DPYD: variants seen among roughly 807,000 people sequenced by gnomAD.
The protein encoded by DPYD is dihydropyrimidine dehydrogenase, also known as dihydropyrimidine dehydrogenase [NADP(+)].
DPYD carries 109 observed loss-of-function variants against 116.2 expected under a neutral mutation model. That is an observed-to-expected ratio of 0.94 (90% CI 0.80 to 1.10). The LOEUF is 1.10. DPYD is among the 50% of genes least tolerant of loss of function. DPYD has a pLI of 0.00. For missense variants in DPYD, 1,302 were observed against 1,254.5 expected (o/e 1.04, Z -0.57); for synonymous variants, 440 against 432.0 (o/e 1.02, Z -0.23).
At position 97,489,219 on chromosome 1, in the gene DPYD, A is replaced by G. The variant is rs1325095439; in HGVS notation, c.1740+26507T>C. On this transcript the variant is annotated intron_variant, in intron 13 of 22. Transcript: ENST00000370192. ...AGGAAAAATATATTTTCACGGAACC[A>G]CAGAATTTTTGGTATGTGCTACATT... Among the ~76,000 whole-genome samples the G allele has an allele frequency of 2.0e-5, 3 of 152,292 alleles. No homozygotes were observed. The East Asian group carries it at 5.8e-4, about 29-fold the overall frequency.
intron 19 of DPYD, among the ~76,000 whole-genome samples, chr1:97,200,163 G>A (rs1659104246): frequency 6.6e-6 from 1 of 152,094 alleles, no homozygotes; most frequent in East Asian, 1.9e-4. Context: ...TAAAAATAGA[G>A]ATCTTGATCT....
rs375490078 is a variant in DPYD at position 97,257,452 on chromosome 1, T to TATAGAG, written c.2300-22459_2300-22458insCTCTAT. On this transcript the variant is annotated intron_variant, in intron 18 of 22. Coordinates refer to ENST00000370192, the MANE Select transcript of DPYD (RefSeq NM_000110.4). ...ATACATACGTATATATATATATATA[T>TATAGAG]AGAGAGAGAGAAAGAGAGAGAGAGC... Among the ~76,000 whole-genome samples the TATAGAG allele has an allele frequency of 1.3e-3, 170 of 126,468 alleles. 4 individuals carry two copies. The highest frequency in any genetic ancestry group is 6.5e-3 in the South Asian group (24 of 3,682). The allele number at this position is 126,468 out of a possible 152,430, so 83.0% of individuals were successfully genotyped here. A position where few individuals can be genotyped will look rare whatever the true frequency, so the allele number is the denominator to read the frequency against.
chr1:97,815,421 AG>A (rs1668552422), intron 3 of DPYD, among the ~76,000 whole-genome samples: 1 of 152,224 alleles, frequency 6.6e-6, no homozygotes, highest in Non-Finnish European at 1.5e-5. Flanking sequence ...ATAGCTGCCA[AG>A]GAGAGTTAAA....
chr1:97,101,377 AC>A (rs1208489453), intron 20 of DPYD, among the ~76,000 whole-genome samples: 1 of 151,782 alleles, frequency 6.6e-6, no homozygotes, highest in Non-Finnish European at 1.5e-5. Context: ...TTTTCCGAAA[AC>A]AAAAAAACAT....
intron 4 of DPYD, among the ~76,000 whole-genome samples, chr1:97,724,387 T>C (rs1014897423): frequency 2.0e-5 from 3 of 148,708 alleles, no homozygotes; most frequent in African/African-American, 7.5e-5. Flanking sequence ...TATAGGAAAC[T>C]GGTACACAAT....
At chr1:97,524,724 A>G (rs1223570668) in intron 12 of DPYD, among the ~76,000 whole-genome samples, 2 of 152,138 alleles carry the variant, frequency 1.3e-5, no homozygotes, top group Non-Finnish European at 2.9e-5. Context: ...AAACACCCCT[A>G]GGATGTTATC....
At chr1:97,303,766 T>G (rs1666996554) in intron 18 of DPYD, among the ~76,000 whole-genome samples, 1 of 152,002 alleles carries the variant, frequency 6.6e-6, no homozygotes, top group African/African-American at 2.4e-5. Context: ...TAGGGATTTT[T>G]TGTTGTTTAA....
chr1:97,370,904 G>A (rs181042556), intron 16 of DPYD, among the ~76,000 whole-genome samples: 1 of 152,150 alleles, frequency 6.6e-6, no homozygotes, highest in East Asian at 1.9e-4. Flanking sequence ...TTGTTTTGCA[G>A]GAATACACAA....
At chr1:97,324,160 C>T (rs977663431) in intron 16 of DPYD, among the ~76,000 whole-genome samples, 4 of 151,842 alleles carry the variant, frequency 2.6e-5, no homozygotes, top group East Asian at 3.9e-4. Flanking sequence ...TCGTTTTTTG[C>T]CCATTTTCTA....
chr1:97,341,526 A>T (rs1669587834), intron 16 of DPYD, among the ~76,000 whole-genome samples: 1 of 152,162 alleles, frequency 6.6e-6, no homozygotes, highest in South Asian at 2.1e-4. Context: ...CTGAACAGAG[A>T]CCACACCATT....
chr1:97,412,682 C>T (rs773127968), intron 14 of DPYD, among the ~76,000 whole-genome samples: 2 of 152,156 alleles, frequency 1.3e-5, no homozygotes, highest in South Asian at 2.1e-4. Flanking sequence ...TCATTAAATG[C>T]ATCCTGTTTT....
chr1:97,636,488 A>G (rs1331283861), intron 8 of DPYD, among the ~76,000 whole-genome samples: 1 of 152,166 alleles, frequency 6.6e-6, no homozygotes, highest in Non-Finnish European at 1.5e-5. Flanking sequence ...TCCACCAAAT[A>G]GAATTGTGCA....
Position 97,515,630 on chromosome 1 carries a change from T to A in DPYD, c.1740+96A>T, listed in dbSNP as rs1223595008. 3.9e-6 allele frequency: 4 copies of A among 1,031,734 alleles called. No homozygotes were observed. The East Asian group carries it at 7.8e-5, about 20-fold the overall frequency. The allele number at this position is 1,031,734 out of a possible 1,614,324, so 63.9% of individuals were successfully genotyped here. Reference sequence around the variant, plus strand: ...AGGTCTTGTCAAATAGTTTAATAAGTAGTATTTCTTAGTAAAAAAAATCCA... The same window carrying A: ...AGGTCTTGTCAAATAGTTTAATAAGAAGTATTTCTTAGTAAAAAAAATCCA... On this transcript the variant is annotated intron_variant, in intron 13 of 22. Transcript: ENST00000370192.
chr1:97,598,956 A>G (rs960769019), intron 8 of DPYD, among the ~76,000 whole-genome samples: 3 of 152,220 alleles, frequency 2.0e-5, no homozygotes, highest in African/African-American at 7.2e-5. Flanking sequence ...TTAAGGTTAT[A>G]ACTAGGCCAG....
At chr1:97,589,585 T>C (rs1184397175) in intron 10 of DPYD, among the ~76,000 whole-genome samples, 1 of 152,200 alleles carries the variant, frequency 6.6e-6, no homozygotes, top group Non-Finnish European at 1.5e-5. Context: ...TCTCGGGCAG[T>C]TCTTCACAGC....
At chr1:97,109,597 T>A (rs1244026109) in intron 20 of DPYD, among the ~76,000 whole-genome samples, 1 of 152,128 alleles carries the variant, frequency 6.6e-6, no homozygotes, top group East Asian at 1.9e-4. Context: ...GGAGCAAGAC[T>A]AGGTTAATCA....
At chr1:97,142,294 G>A (rs1377503763) in intron 20 of DPYD, among the ~76,000 whole-genome samples, 1 of 152,082 alleles carries the variant, frequency 6.6e-6, no homozygotes, top group African/African-American at 2.4e-5. Context: ...AAGCATTTCT[G>A]CTTTTAAATG....
chr1:97,144,855 T>C (rs1297406336), intron 20 of DPYD, among the ~76,000 whole-genome samples: 1 of 152,220 alleles, frequency 6.6e-6, no homozygotes, highest in Non-Finnish European at 1.5e-5. Flanking sequence ...ATCACTTTCT[T>C]ATGCACACAG....
At chr1:97,648,557 G>C (rs1347377066) in intron 8 of DPYD, among the ~76,000 whole-genome samples, 1 of 151,778 alleles carries the variant, frequency 6.6e-6, no homozygotes, top group Non-Finnish European at 1.5e-5. Context: ...AAAAAAAAGA[G>C]AAATCAAGTA....
Sources: gnomAD v4.1 joint callset for allele counts (sites outside exome capture counted in the v4.1 genomes callset) on GRCh38, gnomAD v4.1.1 for gene constraint, MANE v1.5 for transcripts, NCBI Gene and HGNC (gene_info 2026-07-23, HGNC 2026-07-21) for gene names.